Variants in RIMS1 observed in about 807,000 individuals in gnomAD.
RIMS1 encodes the protein regulating synaptic membrane exocytosis 1.
Under a neutral mutation model 214.1 loss-of-function variants are expected in RIMS1, and 83 were observed. The ratio of observed to expected loss-of-function variants is 0.39; its 90% CI spans 0.32 to 0.47. The LOEUF (loss-of-function observed/expected upper bound fraction) is 0.47, where lower values mean the gene tolerates loss of function less well. RIMS1 is among the 20% of genes least tolerant of loss of function. The probability of loss-of-function intolerance (pLI) is 0.99; values close to 1 mark genes in which losing one functional copy is unlikely to be tolerated. For synonymous variants in RIMS1, 793 were observed against 786.8 expected (o/e 1.01, Z -0.13); for missense variants, 2,050 against 2,161.8 (o/e 0.95, Z 1.03).
intron 4 of RIMS1, among the ~76,000 whole-genome samples, chr6:72,115,491 C>T (rs541358200): frequency 3.9e-5 from 6 of 151,910 alleles, no homozygotes; most frequent in African/African-American, 1.2e-4. Context: ...AATTTCTTCC[C>T]GCTTAGACTT....
At chr6:72,111,084 C>A (rs971442210) in intron 4 of RIMS1, among the ~76,000 whole-genome samples, 4 of 152,062 alleles carry the variant, frequency 2.6e-5, no homozygotes, top group African/African-American at 4.8e-5. Context: ...TTAATGTTTC[C>A]TTGTATTCAA....
intron 2 of RIMS1, among the ~76,000 whole-genome samples, chr6:72,008,486 A>G (rs1004328843): frequency 2.6e-5 from 4 of 152,212 alleles, no homozygotes; most frequent in African/African-American, 9.7e-5. Flanking sequence ...TTAACGTTCA[A>G]TGTAAATGGG....
chr6:72,386,833 A>C (rs1354345179), intron 29 of RIMS1, among the ~76,000 whole-genome samples: 13 of 142,378 alleles, frequency 9.1e-5, no homozygotes, highest in Non-Finnish European at 1.9e-4. Flanking sequence ...TTCCAGCTTC[A>C]CGCCATTCTC....
intron 2 of RIMS1, among the ~76,000 whole-genome samples, chr6:71,970,478 T>C (rs1303952161): frequency 1.3e-5 from 2 of 152,244 alleles, no homozygotes; most frequent in African/African-American, 2.4e-5. Flanking sequence ...TTCATTTTAA[T>C]TGGTCTCACC....
intron 26 of RIMS1, 52 bp downstream of exon 26, chr6:72,292,098 C>T: frequency 1.1e-5 from 12 of 1,108,300 alleles, no homozygotes; most frequent in African/African-American, 1.6e-5. Context: ...TGAGAACCTC[C>T]TCTATTTATA....
Position 72,199,316 on chromosome 6 carries a change from A to G in RIMS1, c.1678+16167A>G, listed in dbSNP as rs9358994. Among the ~76,000 whole-genome samples, 174 of 152,270 alleles carry G rather than the reference A, an allele frequency of 1.1e-3. 2 individuals are homozygous for G. In the East Asian group the frequency reaches 0.029, roughly 26 times the overall value. On this transcript the variant is annotated intron_variant, in intron 6 of 33. Transcript: ENST00000521978. ...GTAATTTAAGTAACTGATACAGCCA[A>G]TTGGGCCATAAACTTAACTACATTT... is the stretch of plus-strand genomic sequence containing the variant.
chr6:72,012,190 G>A lies in RIMS1; in HGVS notation c.245+43127G>A, dbSNP rs577947235. ...TTCGTGTCCTTTGTACGGACATGGA[G>A]GAAGCTGGAAACCATCATTCTCAGC... On this transcript the variant is annotated intron_variant, in intron 2 of 33. Coordinates refer to ENST00000521978, the MANE Select transcript of RIMS1 (RefSeq NM_014989.7). Among the ~76,000 whole-genome samples the A allele has an allele frequency of 1.2e-3, 187 of 152,174 alleles. 2 individuals are homozygous for A. Among genetic ancestry groups the A allele is most frequent in the Middle Eastern group, 6.8e-3 (2 of 294 alleles).
intron 6 of RIMS1, among the ~76,000 whole-genome samples, chr6:72,199,654 A>G (rs1263459593): frequency 6.6e-6 from 1 of 152,118 alleles, no homozygotes; most frequent in East Asian, 1.9e-4. Context: ...GAAGAGTTAA[A>G]AGATTGTGTT....
intron 2 of RIMS1, among the ~76,000 whole-genome samples, chr6:72,024,202 CTCTT>C (rs1352938519): frequency 6.6e-6 from 1 of 152,064 alleles, no homozygotes. Context: ...ATTTTCTTAG[CTCTT>C]TCTTCCTTCT....
At chr6:72,002,220 A>G (rs769946134) in intron 2 of RIMS1, among the ~76,000 whole-genome samples, 22 of 152,182 alleles carry the variant, frequency 1.4e-4, no homozygotes, top group Non-Finnish European at 3.1e-4. Context: ...AATAGGAAGT[A>G]TCAGAACGTT....
At chr6:72,269,694 G>A (rs2082124333) in intron 22 of RIMS1, among the ~76,000 whole-genome samples, 1 of 151,900 alleles carries the variant, frequency 6.6e-6, no homozygotes, top group African/African-American at 2.4e-5. Context: ...CAATTCCTTC[G>A]GAACAGGTCC....
In RIMS1 at chr6:72,318,074, T is replaced by C. The variant is rs549570121; in HGVS notation, c.4130+4402T>C. Among the ~76,000 whole-genome samples the C allele has an allele frequency of 3.3e-5, 5 of 152,330 alleles. No individual in the cohort carries two copies. The East Asian group carries it at 7.7e-4, about 23-fold the overall frequency. On this transcript the variant is annotated intron_variant, in intron 28 of 33. Coordinates refer to ENST00000521978, the MANE Select transcript of RIMS1 (RefSeq NM_014989.7). ...GTTAGTGTTCAATCTAACTATTCAC[T>C]GTTCACATCTTTTTGTGTCAACTTT...
chr6:71,895,788 A>G (rs978404118), intron 1 of RIMS1, among the ~76,000 whole-genome samples: 1 of 151,934 alleles, frequency 6.6e-6, no homozygotes, highest in African/African-American at 2.4e-5. Flanking sequence ...AAAAATAGGC[A>G]GATTGTATAT....
chr6:72,274,512 G>A (rs2085168425), intron 23 of RIMS1, 80 bp downstream of exon 23: 1 of 1,093,816 alleles, frequency 9.1e-7, no homozygotes, highest in East Asian at 2.4e-5. Context: ...CAAGAGAAAA[G>A]TTGAATATGA....
intron 2 of RIMS1, among the ~76,000 whole-genome samples, chr6:71,972,056 A>C (rs2151380688): frequency 6.6e-6 from 1 of 152,324 alleles, no homozygotes; most frequent in African/African-American, 2.4e-5. Flanking sequence ...ACATAGAAAA[A>C]AAAATAAGAG....
At chr6:72,262,691 A>G (rs1031813681) in intron 19 of RIMS1, 75 of 819,520 alleles carry the variant, frequency 9.2e-5, no homozygotes, top group Non-Finnish European at 1.1e-4. Context: ...ATGTGTACAT[A>G]TAAATAACCA....
At chr6:72,390,484 T>C (rs2098685695) in intron 29 of RIMS1, 114 bp from the exon 30 acceptor site, 4 of 1,209,094 alleles carry the variant, frequency 3.3e-6, no homozygotes. Flanking sequence ...ACTATTTTTC[T>C]GATTAAATTT....
chr6:72,144,540 T>A (rs1681909875), intron 4 of RIMS1, among the ~76,000 whole-genome samples: 1 of 152,112 alleles, frequency 6.6e-6, no homozygotes, highest in Non-Finnish European at 1.5e-5. Flanking sequence ...CATGAACAGA[T>A]AATTGGTGGC....
chr6:72,262,854 T>G (rs1434083307), intron 19 of RIMS1: 4 of 660,188 alleles, frequency 6.1e-6, no homozygotes, highest in African/African-American at 3.9e-5. Flanking sequence ...ATCTGAGGAT[T>G]TACTAGTCTC....
Sources: gnomAD v4.1 joint callset for allele counts (sites outside exome capture counted in the v4.1 genomes callset) on GRCh38, gnomAD v4.1.1 for gene constraint, MANE v1.5 for transcripts, NCBI Gene and HGNC (gene_info 2026-07-23, HGNC 2026-07-21) for gene names.